CAMK4: variants seen among roughly 807,000 people sequenced by gnomAD.
The protein encoded by CAMK4 is calcium/calmodulin dependent protein kinase IV.
CAMK4 carries 22 observed loss-of-function variants against 44.9 expected under a neutral mutation model. The ratio of observed to expected loss-of-function variants is 0.49; its 90% CI spans 0.35 to 0.70. The LOEUF (loss-of-function observed/expected upper bound fraction) is 0.70, where lower values mean the gene tolerates loss of function less well. CAMK4 is among the 30% of genes least tolerant of loss of function. The pLI, the probability that CAMK4 is intolerant of heterozygous loss-of-function variation, is 0.01. For missense variants in CAMK4, 498 were observed against 586.8 expected (o/e 0.85, Z 1.56); for synonymous variants, 218 against 215.4 (o/e 1.01, Z -0.11).
chr5:111,338,590 A>G (rs1052219988), intron 1 of CAMK4, among the ~76,000 whole-genome samples: 3 of 151,202 alleles, frequency 2.0e-5, no homozygotes, highest in Admixed American at 1.3e-4. Context: ...AGGATTCTTA[A>G]AGCTTGAGGT....
At chr5:111,408,911 C>A (rs537743176) in intron 5 of CAMK4, among the ~76,000 whole-genome samples, 1 of 152,314 alleles carries the variant, frequency 6.6e-6, no homozygotes, top group African/African-American at 2.4e-5. Context: ...TGTCTCACCT[C>A]CAGATCATGC....
intron 5 of CAMK4, among the ~76,000 whole-genome samples, chr5:111,439,114 T>G (rs1230564406): frequency 1.3e-5 from 2 of 152,138 alleles, no homozygotes; most frequent in Non-Finnish European, 2.9e-5. Context: ...GGTATCTTCC[T>G]CGCCCCTCGA....
chr5:111,461,385 C>T (rs559486647), intron 7 of CAMK4, among the ~76,000 whole-genome samples: 20 of 152,320 alleles, frequency 1.3e-4, no homozygotes, highest in African/African-American at 4.3e-4. Context: ...TGCACTTAAT[C>T]TCCTGAACTG....
intron 2 of CAMK4, among the ~76,000 whole-genome samples, chr5:111,368,951 C>A (rs1750899431): frequency 6.6e-6 from 1 of 151,102 alleles, no homozygotes; most frequent in African/African-American, 2.4e-5. Context: ...TTTTTTTCTT[C>A]TTTTTATTCT....
chr5:111,290,523 A>G lies in CAMK4; in HGVS notation c.162-53501A>G, dbSNP rs548918879. Among the ~76,000 whole-genome samples, 9 of 152,316 alleles carry G rather than the reference A, an allele frequency of 5.9e-5. No homozygotes were observed. The highest frequency in any genetic ancestry group is 1.0e-4 in the Non-Finnish European group (7 of 68,032). On this transcript the variant is annotated intron_variant, in intron 1 of 10. Transcript: ENST00000282356. The surrounding 1 kb of genome is among the most constrained non-coding windows in gnomAD (Gnocchi z 4.5). Reference sequence around the variant, plus strand: ...TATAACTACTTAAATCCATGGGACTATCCCCTGAGAAGTCTTATAAACTGC... The same window carrying G: ...TATAACTACTTAAATCCATGGGACTGTCCCCTGAGAAGTCTTATAAACTGC...
At chr5:111,334,451 A>C (rs381495) in intron 1 of CAMK4, among the ~76,000 whole-genome samples, 74,992 of 151,278 alleles carry the variant, frequency 0.5, 19,308 homozygotes, top group African/African-American at 0.63. Context: ...AGAATGGGCC[A>C]AGATGTATAC....
chr5:111,224,402 C>A lies in CAMK4; in HGVS notation c.-82C>A. 6.8e-7 allele frequency: 1 copy of A among 1,471,726 alleles called. No homozygotes were observed. The highest frequency in any genetic ancestry group is 9.0e-7 in the Non-Finnish European group (1 of 1,115,674). 91.2% of individuals were successfully genotyped at this position (1,471,726 alleles called of 1,614,324 possible). ...GCCGCCTCTCTCTCGCTCCTGCGTT[C>A]GCAGGCGGCGGCTGGCGGCCGGCTT... On this transcript the variant is annotated 5_prime_UTR_variant, in exon 1 of 11. Coordinates refer to ENST00000282356, the MANE Select transcript of CAMK4 (RefSeq NM_001744.6). The surrounding 1 kb of genome is among the most constrained non-coding windows in gnomAD (Gnocchi z 5.7).
chr5:111,280,588 C>G (rs752389692), intron 1 of CAMK4, among the ~76,000 whole-genome samples: 5 of 152,156 alleles, frequency 3.3e-5, no homozygotes, highest in Non-Finnish European at 7.4e-5. Context: ...ACAGTTGTTT[C>G]TATAGGAAAG....
chr5:111,474,933 C>G (rs1410708115), intron 8 of CAMK4, among the ~76,000 whole-genome samples: 1 of 152,114 alleles, frequency 6.6e-6, no homozygotes, highest in Non-Finnish European at 1.5e-5. Flanking sequence ...GAGGCCGAGA[C>G]GGGTGGATCC....
intron 1 of CAMK4, among the ~76,000 whole-genome samples, chr5:111,326,619 G>A (rs1748898738): frequency 6.7e-6 from 1 of 149,420 alleles, no homozygotes; most frequent in African/African-American, 2.5e-5. Flanking sequence ...TATTAACTTC[G>A]GTAACAGGCA....
intron 1 of CAMK4, among the ~76,000 whole-genome samples, chr5:111,296,085 G>A (rs1747471512): frequency 6.6e-6 from 1 of 152,134 alleles, no homozygotes; most frequent in Non-Finnish European, 1.5e-5. Context: ...ACAAAAACAA[G>A]TAATAGCCCA....
chr5:111,348,019 A>T (rs149162115), intron 2 of CAMK4, among the ~76,000 whole-genome samples: 1 of 152,198 alleles, frequency 6.6e-6, no homozygotes, highest in Non-Finnish European at 1.5e-5. Flanking sequence ...AGATTTCCTC[A>T]GACTGTCTCA....
chr5:111,396,631 CTTTTTTTTTTTT>C (rs540495109), intron 5 of CAMK4, among the ~76,000 whole-genome samples: 4 of 47,010 alleles, frequency 8.5e-5, no homozygotes, highest in East Asian at 7.8e-4. Flanking sequence ...AACTCATATT[CTTTTTTTTTTTT>C]TTTTTTTTTT....
At chr5:111,246,599 T>C (rs1749251986) in intron 1 of CAMK4, among the ~76,000 whole-genome samples, 1 of 152,170 alleles carries the variant, frequency 6.6e-6, no homozygotes, top group African/African-American at 2.4e-5. Flanking sequence ...GGTAGCAAAA[T>C]GCAGCATTTA....
chr5:111,459,255 A>G (rs1754548794), intron 7 of CAMK4, among the ~76,000 whole-genome samples: 1 of 152,214 alleles, frequency 6.6e-6, no homozygotes. Flanking sequence ...AGGAAGCTCC[A>G]CAAGGCAGAA....
At chr5:111,267,286 A>C (rs1455178255) in intron 1 of CAMK4, among the ~76,000 whole-genome samples, 1 of 152,248 alleles carries the variant, frequency 6.6e-6, no homozygotes, top group Non-Finnish European at 1.5e-5. Flanking sequence ...TTACTGTGAC[A>C]GGATTTGTCA....
intron 2 of CAMK4, among the ~76,000 whole-genome samples, chr5:111,364,632 G>A (rs970570793): frequency 2.0e-5 from 3 of 151,962 alleles, no homozygotes. Flanking sequence ...TGTCTTTCTG[G>A]GTTAAGCTTC....
chr5:111,455,669 T>C (rs150252505), intron 7 of CAMK4, among the ~76,000 whole-genome samples: 6 of 152,322 alleles, frequency 3.9e-5, no homozygotes, highest in African/African-American at 9.6e-5. Flanking sequence ...TCTCCACAGA[T>C]ATATGGGTGA....
At chr5:111,253,831 C>A (rs1290171359) in intron 1 of CAMK4, among the ~76,000 whole-genome samples, 1 of 152,144 alleles carries the variant, frequency 6.6e-6, no homozygotes, top group Non-Finnish European at 1.5e-5. Context: ...GATATTTCTT[C>A]ATCTGAGATA....
Sources: gnomAD v4.1 joint callset for allele counts (sites outside exome capture counted in the v4.1 genomes callset) on GRCh38, gnomAD v4.1.1 for gene constraint, Gnocchi (gnomAD v3.1) non-coding constraint, MANE v1.5 for transcripts, NCBI Gene and HGNC (gene_info 2026-07-23, HGNC 2026-07-21) for gene names.